Variants in MYOCOS observed in about 807,000 individuals in gnomAD.
MYOCOS encodes myocilin opposite strand protein.
chr1:171,605,587 G>A (rs748987370), intron 1 of MYOCOS, among the ~76,000 whole-genome samples: 19 of 152,148 alleles, frequency 1.2e-4, no homozygotes, highest in Admixed American at 2.6e-4. Flanking sequence ...AGGTAGCTGC[G>A]TAATTGCACC....
At chr1:171,620,833 G>T (rs1237411273), upstream of MYOCOS, among the ~76,000 whole-genome samples, 5 of 147,766 alleles carry the variant, frequency 3.4e-5, no homozygotes, top group South Asian at 8.5e-4. Flanking sequence ...GTGCAGTGGC[G>T]ATCTTGGCTC....
chr1:171,617,072 T>C (rs1015150189), intron 2 of MYOCOS, among the ~76,000 whole-genome samples: 1 of 152,174 alleles, frequency 6.6e-6, no homozygotes, highest in African/African-American at 2.4e-5. Flanking sequence ...AGAGTTAAGC[T>C]GCTGACCCTG....
At chr1:171,608,465 T>C (rs1652294942) in intron 1 of MYOCOS, among the ~76,000 whole-genome samples, 2 of 127,052 alleles carry the variant, frequency 1.6e-5, no homozygotes, top group South Asian at 5.6e-4. Flanking sequence ...TTGCCCAGGC[T>C]GGAGTGCAGT....
chr1:171,620,558 C>A (rs967300475), upstream of MYOCOS, among the ~76,000 whole-genome samples: 1 of 152,146 alleles, frequency 6.6e-6, no homozygotes, highest in Non-Finnish European at 1.5e-5. Flanking sequence ...TCTCTAAGGG[C>A]AGCCACTATA....
chr1:171,601,548 T>C (rs1472323748), intron 1 of MYOCOS, among the ~76,000 whole-genome samples: 1 of 151,702 alleles, frequency 6.6e-6, no homozygotes, highest in Non-Finnish European at 1.5e-5. Context: ...GTTAAAGAAT[T>C]TCAAGAAAAG....
chr1:171,620,316 C>T (rs144525496), upstream of MYOCOS, among the ~76,000 whole-genome samples: 59 of 152,086 alleles, frequency 3.9e-4, no homozygotes, highest in East Asian at 0.011. Context: ...GACTTACTCT[C>T]CAACCTGACT....
chr1:171,601,406 A>G (rs1329272108), intron 1 of MYOCOS, among the ~76,000 whole-genome samples: 1 of 152,142 alleles, frequency 6.6e-6, no homozygotes, highest in East Asian at 1.9e-4. Flanking sequence ...TATAAACAGT[A>G]AAAGTGTGGG....
chr1:171,622,119 A>C (rs1177085970), upstream of MYOCOS: 1 of 152,212 alleles, frequency 6.6e-6, no homozygotes, highest in Admixed American at 6.5e-5. Context: ...AGGTGGGATC[A>C]GTGATTATTG....
chr1:171,605,232 G>A (rs895740146), intron 1 of MYOCOS, among the ~76,000 whole-genome samples: 7 of 151,772 alleles, frequency 4.6e-5, no homozygotes, highest in African/African-American at 1.2e-4. Context: ...ATGAATTCCC[G>A]GCCCAAAAGA....
chr1:171,601,923 T>G (rs1652150026), intron 1 of MYOCOS, among the ~76,000 whole-genome samples: 1 of 152,072 alleles, frequency 6.6e-6, no homozygotes, highest in Non-Finnish European at 1.5e-5. Flanking sequence ...AATCCCAAAC[T>G]TACAAGGTTT....
chr1:171,605,406 A>C (rs1381802315), intron 1 of MYOCOS, among the ~76,000 whole-genome samples: 1 of 99,042 alleles, frequency 1.0e-5, no homozygotes, highest in African/African-American at 3.3e-5. Flanking sequence ...AAAAAAAAAA[A>C]ACAGTTACAT....
At chr1:171,623,211 G>GC (rs1262920195) in intron 1 of MYOCOS, among the ~76,000 whole-genome samples, 1 of 152,038 alleles carries the variant, frequency 6.6e-6, no homozygotes, top group Non-Finnish European at 1.5e-5. Context: ...AGAAAAGGGG[G>GC]TGGGGGGCAA....
intron 1 of MYOCOS, among the ~76,000 whole-genome samples, chr1:171,610,870 T>C (rs767043662): frequency 6.6e-6 from 1 of 152,248 alleles, no homozygotes; most frequent in Non-Finnish European, 1.5e-5. Context: ...CCTCTGATAG[T>C]GGTGCTAGTT....
intron 1 of MYOCOS, among the ~76,000 whole-genome samples, chr1:171,611,233 A>G (rs1652346574): frequency 6.6e-6 from 1 of 152,160 alleles, no homozygotes; most frequent in African/African-American, 2.4e-5. Context: ...AGCTGACTAT[A>G]AGAGACTCCT....
intron 1 of MYOCOS, among the ~76,000 whole-genome samples, chr1:171,610,030 G>A (rs7536514): frequency 0.41 from 62,029 of 152,058 alleles, 13,027 homozygotes; most frequent in East Asian, 0.57. Context: ...GATGCCTCAC[G>A]TTATGACATC....
intron 2 of MYOCOS, among the ~76,000 whole-genome samples, chr1:171,615,472 G>A (rs554393337): frequency 6.6e-5 from 10 of 152,294 alleles, no homozygotes; most frequent in Admixed American, 5.9e-4. Context: ...TTTATACTCA[G>A]TACCTGTTTT....
intron 1 of MYOCOS, among the ~76,000 whole-genome samples, chr1:171,606,593 A>T (rs1652247093): frequency 6.6e-6 from 1 of 152,202 alleles, no homozygotes; most frequent in Non-Finnish European, 1.5e-5. Flanking sequence ...GTTCTGTTTC[A>T]TTCTGACTAC....
intron 1 of MYOCOS, among the ~76,000 whole-genome samples, chr1:171,603,489 G>A (rs1044859173): frequency 1.3e-5 from 2 of 152,212 alleles, no homozygotes; most frequent in African/African-American, 2.4e-5. Context: ...AGCCCCACAA[G>A]AAATACAGAT....
chr1:171,626,799 A>C lies in MYOCOS; in HGVS notation c.*198A>C. 1 of 386,974 alleles carries C rather than the reference A, an allele frequency of 2.6e-6. No individual in the cohort carries two copies. The allele number at this position is 386,974 out of a possible 1,614,324, so 24.0% of individuals were successfully genotyped here. The stretch of plus-strand genomic sequence containing the variant: ...TTTGGTTTTTTAATCCAAGTCTCTG[A>C]TATGATATGCATATATTTTGATCTT... On this transcript the variant is annotated 3_prime_UTR_variant, in exon 3 of 3. Transcript: ENST00000637642.
Sources: allele counts gnomAD v4.1 joint callset (sites outside exome capture counted in the v4.1 genomes callset), GRCh38; gene constraint gnomAD v4.1.1; transcripts MANE v1.5; gene names NCBI Gene and HGNC (gene_info 2026-07-23, HGNC 2026-07-21).